Variants in OPHN1 observed in about 807,000 individuals in gnomAD.
The protein encoded by OPHN1 is oligophrenin 1.
OPHN1 carries 11 observed loss-of-function variants against 60.7 expected under a neutral mutation model. The observed-to-expected ratio is 0.18, with a 90% CI of 0.11 to 0.30. The LOEUF (loss-of-function observed/expected upper bound fraction) is 0.30. OPHN1 is among the 10% of genes least tolerant of loss of function. The pLI, the probability that OPHN1 is intolerant of heterozygous loss-of-function variation, is 1.00. For synonymous variants in OPHN1, 226 were observed against 222.6 expected, an observed-to-expected ratio of 1.02 and a Z score of -0.14; for missense variants, 449 against 611.0, an observed-to-expected ratio of 0.73 and a Z score of 2.80.
At position 68,433,193 on chromosome X, in the gene OPHN1, C is replaced by T; in HGVS notation, c.-30G>A. The T allele has an allele frequency of 2.0e-6, 1 of 493,501 alleles. No individual in the cohort carries two copies. The highest frequency in any genetic ancestry group is 6.0e-4 in the Middle Eastern group (1 of 1,675). 40.7% of individuals were successfully genotyped at this position (493,501 alleles called of 1,213,427 possible). A position where few individuals can be genotyped will look rare whatever the true frequency, so the allele number is the denominator to read the frequency against. ...CTGTTTCAGTGAGACTCCTGAGGAG[C>T]GCTGGCTGGTCCGGACAGAGAACAG... On this transcript the variant is annotated 5_prime_UTR_variant, in exon 1 of 25. Transcript: ENST00000355520.
intron 2 of OPHN1, among the ~76,000 whole-genome samples, chrX:68,317,336 G>A (rs1315879844): frequency 4.5e-5 from 1 of 22,211 alleles, no homozygotes; most frequent in Admixed American, 7.0e-4. Context: ...GAAAGAAAGA[G>A]AGGAAAGAAA....
At chrX:68,263,969 T>C (rs959586856) in intron 5 of OPHN1, among the ~76,000 whole-genome samples, 18 of 112,135 alleles carry the variant, frequency 1.6e-4, no homozygotes, top group African/African-American at 5.2e-4. Context: ...TTCTGTGTAC[T>C]GTATTTCTAG....
chrX:68,194,918 A>G (rs1222665624), intron 12 of OPHN1, among the ~76,000 whole-genome samples: 1 of 106,851 alleles, frequency 9.4e-6, no homozygotes, highest in Non-Finnish European at 1.9e-5. Flanking sequence ...CAGTGAGCTG[A>G]GATCACACCA....
intron 21 of OPHN1, among the ~76,000 whole-genome samples, chrX:68,058,278 A>ACC (rs1185068828): frequency 9.0e-6 from 1 of 110,972 alleles, no homozygotes; most frequent in African/African-American, 3.3e-5. Flanking sequence ...ACACACACAC[A>ACC]CACACACACA....
intron 4 of OPHN1, among the ~76,000 whole-genome samples, chrX:68,282,642 GGAGA>G (rs1431738030): frequency 2.7e-5 from 3 of 111,469 alleles, no homozygotes; most frequent in Non-Finnish European, 5.7e-5. Flanking sequence ...AAACTGAATG[GGAGA>G]GAGAAAGGTG....
chrX:68,420,202 G>A (rs2078820115), intron 2 of OPHN1, among the ~76,000 whole-genome samples: 1 of 111,759 alleles, frequency 8.9e-6, no homozygotes, highest in Admixed American at 9.6e-5. Context: ...ATGTCTTCTT[G>A]ACACTTCTAC....
Position 68,064,080 on chromosome X carries a change from C to T in OPHN1, c.1932G>A (p.Gly644=), listed in dbSNP as rs375926425. 1.7e-6 allele frequency: 2 copies of T among 1,210,530 alleles called. No individual in the cohort carries two copies. Among genetic ancestry groups the T allele is most frequent in the South Asian group, 3.5e-5 (2 of 56,753 alleles). The change falls in exon 21 of 25, where the codon GGG becomes GGA. Residue 644 remains glycine (G), a synonymous_variant. Coordinates refer to ENST00000355520, the MANE Select transcript of OPHN1 (RefSeq NM_002547.3). ...QHPKLPIQRS[G]ETDPGRKSPS... is the part of the protein sequence containing the mutation. ...GGGACTTCCTCCCAGGATCAGTTTC[C>T]CCACTCCTCTGAATAGGTAGTTTGG...
chrX:68,109,653 A>G (rs746984090), intron 18 of OPHN1, among the ~76,000 whole-genome samples: 35 of 111,305 alleles, frequency 3.1e-4, no homozygotes, highest in African/African-American at 1.1e-3. Flanking sequence ...ATGTGTGTGT[A>G]TTCTTACATA....
rs1268231260 is a variant in OPHN1 at position 68,194,445 on chromosome X, CA to C, written c.1138+19del. 2 of 1,195,378 alleles carry C rather than the reference CA, an allele frequency of 1.7e-6. No homozygotes were observed. The highest frequency in any genetic ancestry group is 2.2e-5 in the Admixed American group (1 of 45,980). On this transcript the variant is annotated intron_variant, in intron 13 of 24. Coordinates refer to ENST00000355520, the MANE Select transcript of OPHN1 (RefSeq NM_002547.3). ...CTGGCAGTTTATAATGCTAGTAGAC[CA>C]AAAACTTAAGTGACTCACTTTCTTG...
chrX:68,357,947 A>C (rs951821602), intron 2 of OPHN1, among the ~76,000 whole-genome samples: 1 of 109,271 alleles, frequency 9.2e-6, no homozygotes, highest in African/African-American at 3.3e-5. Context: ...ATGAAAACAT[A>C]CTATTTAGGG....
chrX:68,395,184 G>C lies in OPHN1; in HGVS notation c.154+37683C>G, dbSNP rs1006366234. 2.1e-5 allele frequency among the ~76,000 whole-genome samples: 2 copies of C among 94,884 alleles called. 1 individual carries two copies. The highest frequency in any genetic ancestry group is 2.3e-4 in the Admixed American group (2 of 8,563). 82.4% of individuals were successfully genotyped at this position (94,884 alleles called of 115,157 possible). ...GTTGGCCAGGCTCGTCTCAAACTCC[G>C]GACCTCAAGCAATCCACCCACCTCG... On this transcript the variant is annotated intron_variant, in intron 2 of 24. Transcript: ENST00000355520.
intron 23 of OPHN1, among the ~76,000 whole-genome samples, chrX:68,049,261 A>G (rs1242880223): frequency 9.0e-6 from 1 of 111,719 alleles, no homozygotes; most frequent in Non-Finnish European, 1.9e-5. Context: ...ATCTCTACCT[A>G]AGTCTCAAAG....
At chrX:68,100,557 G>A (rs991440737) in intron 18 of OPHN1, among the ~76,000 whole-genome samples, 1 of 110,063 alleles carries the variant, frequency 9.1e-6, no homozygotes, top group African/African-American at 3.3e-5. Context: ...TACAGTTGAA[G>A]GAGGGGTGAT....
intron 2 of OPHN1, among the ~76,000 whole-genome samples, chrX:68,406,123 G>A (rs73541325): frequency 0.15 from 16,432 of 107,145 alleles, 2,367 homozygotes; most frequent in African/African-American, 0.43. Context: ...ACTCCAGCCC[G>A]GGTGACAGAG....
intron 15 of OPHN1, among the ~76,000 whole-genome samples, chrX:68,174,469 C>CTTTTTTTTT (rs767690922): frequency 2.6e-5 from 2 of 76,342 alleles, no homozygotes; most frequent in African/African-American, 5.1e-5. Flanking sequence ...TTAACTTATT[C>CTTTTTTTTT]TTTTTTTTTT....
chrX:68,185,913 C>T (rs199512779), intron 15 of OPHN1, among the ~76,000 whole-genome samples: 1 of 111,011 alleles, frequency 9.0e-6, no homozygotes, highest in East Asian at 2.8e-4. Flanking sequence ...AAAACTGTTA[C>T]AGTCTCCCAA....
At chrX:68,049,752 G>A (rs1180624958) in intron 23 of OPHN1, among the ~76,000 whole-genome samples, 1 of 111,744 alleles carries the variant, frequency 8.9e-6, no homozygotes, top group Non-Finnish European at 1.9e-5. Flanking sequence ...TTCACGATCT[G>A]GCTCCAATCC....
chrX:68,167,275 G>A (rs1358438313), intron 15 of OPHN1, among the ~76,000 whole-genome samples: 1 of 111,448 alleles, frequency 9.0e-6, no homozygotes, highest in East Asian at 2.8e-4. Context: ...TCATATAAAC[G>A]CAAATCAAAA....
intron 2 of OPHN1, among the ~76,000 whole-genome samples, chrX:68,306,437 C>A (rs5964661): frequency 9.0e-6 from 1 of 110,992 alleles, no homozygotes; most frequent in Admixed American, 9.6e-5. Flanking sequence ...CAAACTTTAT[C>A]GAAAGATTGG....
Sources: gnomAD v4.1 joint callset for allele counts (sites outside exome capture counted in the v4.1 genomes callset) on GRCh38, gnomAD v4.1.1 for gene constraint, MANE v1.5 for transcripts, NCBI Gene and HGNC (gene_info 2026-07-23, HGNC 2026-07-21) for gene names.